COBLL1: variants seen among roughly 807,000 people sequenced by gnomAD.
COBLL1 encodes the protein cordon-bleu protein-like 1.
COBLL1 carries 50 observed loss-of-function variants against 94.8 expected under a neutral mutation model. The ratio of observed to expected loss-of-function variants is 0.53; its 90% confidence interval spans 0.42 to 0.67. The LOEUF is 0.67. COBLL1 is among the 30% of genes least tolerant of loss of function. The pLI, the probability that COBLL1 is intolerant of heterozygous loss-of-function variation, is 0.00. For missense variants in COBLL1, 1,362 were observed against 1,348.7 expected (o/e 1.01, Z -0.15); for synonymous variants, 448 against 473.8 (o/e 0.95, Z 0.71).
At chr2:164,700,288 T>G (rs1460902434) in intron 10 of COBLL1, among the ~76,000 whole-genome samples, 1 of 152,118 alleles carries the variant, frequency 6.6e-6, no homozygotes, top group Non-Finnish European at 1.5e-5. Context: ...ACAAACTATT[T>G]CTCATGGTTT....
chr2:164,658,718 G>C (rs1290111977), intron 2 of COBLL1, among the ~76,000 whole-genome samples: 1 of 152,148 alleles, frequency 6.6e-6, no homozygotes, highest in Admixed American at 6.6e-5. Flanking sequence ...ATTTCCATTG[G>C]TTAGCTGCAG....
intron 2 of COBLL1, among the ~76,000 whole-genome samples, chr2:164,838,268 A>T (rs1683416725): frequency 6.6e-6 from 1 of 152,206 alleles, no homozygotes; most frequent in Non-Finnish European, 1.5e-5. Flanking sequence ...GGCACCAAAC[A>T]AACTTCAAAC....
intron 2 of COBLL1, among the ~76,000 whole-genome samples, chr2:164,768,006 C>T (rs1688018167): frequency 6.6e-6 from 1 of 152,130 alleles, no homozygotes; most frequent in Admixed American, 6.6e-5. Flanking sequence ...GCATGTATTA[C>T]TGAGGGACTG....
At chr2:164,767,922 A>G (rs1323945066) in intron 2 of COBLL1, among the ~76,000 whole-genome samples, 2 of 152,228 alleles carry the variant, frequency 1.3e-5, no homozygotes, top group Non-Finnish European at 2.9e-5. Context: ...GAAGAAATAT[A>G]ACTGGCATGA....
At chr2:164,841,994 C>T, upstream of COBLL1, 1 of 1,540,144 alleles carries the variant, frequency 6.5e-7, no homozygotes, top group Middle Eastern at 1.7e-4. The surrounding 1 kb of genome is among the most constrained non-coding windows in gnomAD (Gnocchi z 5.5). Flanking sequence ...GGGAGCTCGC[C>T]GCCGCCTCTG....
At chr2:164,827,398 C>A (rs1048400223) in intron 2 of COBLL1, among the ~76,000 whole-genome samples, 2 of 152,068 alleles carry the variant, frequency 1.3e-5, no homozygotes, top group Non-Finnish European at 1.5e-5. Flanking sequence ...AGTTTTGTAA[C>A]CATTTTGAAG....
chr2:164,747,328 A>C (rs1047857289), intron 2 of COBLL1, among the ~76,000 whole-genome samples: 1 of 152,140 alleles, frequency 6.6e-6, no homozygotes, highest in Admixed American at 6.5e-5. Context: ...ACTGCAGTGA[A>C]CTCCTCTCAC....
intron 2 of COBLL1, among the ~76,000 whole-genome samples, chr2:164,829,664 A>T (rs2105378534): frequency 6.6e-6 from 1 of 152,318 alleles, no homozygotes; most frequent in Non-Finnish European, 1.5e-5. Context: ...AATATATTTA[A>T]ATACAAATGA....
chr2:164,720,082 TGTG>T (rs1685368593), intron 7 of COBLL1, among the ~76,000 whole-genome samples: 1 of 152,140 alleles, frequency 6.6e-6, no homozygotes, highest in African/African-American at 2.4e-5. Context: ...TGAATTTTTG[TGTG>T]CACTACAGCT....
intron 2 of COBLL1, among the ~76,000 whole-genome samples, chr2:164,815,703 C>T (rs1328061496): frequency 1.3e-5 from 2 of 152,022 alleles, no homozygotes; most frequent in Non-Finnish European, 2.9e-5. Flanking sequence ...AATTTTCAAA[C>T]AAAGTATTAC....
At chr2:164,828,722 G>C (rs1470244060) in intron 2 of COBLL1, among the ~76,000 whole-genome samples, 1 of 152,076 alleles carries the variant, frequency 6.6e-6, no homozygotes, top group Non-Finnish European at 1.5e-5. Flanking sequence ...CATTTTAACG[G>C]AATTAATTTA....
At chr2:164,782,778 G>A (rs1688777318) in intron 2 of COBLL1, among the ~76,000 whole-genome samples, 1 of 151,952 alleles carries the variant, frequency 6.6e-6, no homozygotes, top group African/African-American at 2.4e-5. Flanking sequence ...CTTCATAATA[G>A]CAACTGAAAT....
chr2:164,842,015 G>C, upstream of COBLL1: 1 of 1,539,498 alleles, frequency 6.5e-7, no homozygotes, highest in Non-Finnish European at 8.7e-7. Context: ...CAGCACGGCC[G>C]CACATAAGTG....
intron 9 of COBLL1, among the ~76,000 whole-genome samples, chr2:164,701,716 A>G (rs1179278386): frequency 1.3e-5 from 2 of 152,200 alleles, no homozygotes; most frequent in African/African-American, 4.8e-5. Flanking sequence ...CCAGCAGGGT[A>G]AAAGAGAAGG....
intron 2 of COBLL1, among the ~76,000 whole-genome samples, chr2:164,785,973 T>C (rs552938648): frequency 1.3e-5 from 2 of 152,070 alleles, no homozygotes; most frequent in East Asian, 3.9e-4. Flanking sequence ...GCTAATTTGA[T>C]TAAGGAATTG....
At chr2:164,701,285 A>G (rs1191425482) in intron 9 of COBLL1, among the ~76,000 whole-genome samples, 1 of 152,172 alleles carries the variant, frequency 6.6e-6, no homozygotes, top group African/African-American at 2.4e-5. Flanking sequence ...GAATCTCTGA[A>G]GGGTGGGGCA....
intron 2 of COBLL1, among the ~76,000 whole-genome samples, chr2:164,769,985 AC>A (rs1418685937): frequency 6.6e-6 from 1 of 152,196 alleles, no homozygotes; most frequent in Non-Finnish European, 1.5e-5. Context: ...CTTTTGAAGC[AC>A]CCATAAAAAC....
At chr2:164,720,922 G>T (rs950672951) in intron 7 of COBLL1, among the ~76,000 whole-genome samples, 1 of 152,192 alleles carries the variant, frequency 6.6e-6, no homozygotes, top group Non-Finnish European at 1.5e-5. Flanking sequence ...GAGATTGGAT[G>T]AGATTTTATA....
intron 2 of COBLL1, among the ~76,000 whole-genome samples, chr2:164,818,234 A>G (rs1161439964): frequency 1.3e-5 from 2 of 149,468 alleles, no homozygotes; most frequent in Admixed American, 6.7e-5. Context: ...ATACATATGC[A>G]TGTATGTATA....
Sources: allele counts gnomAD v4.1 joint callset (sites outside exome capture counted in the v4.1 genomes callset), GRCh38; gene constraint gnomAD v4.1.1; non-coding constraint Gnocchi (gnomAD v3.1); transcripts MANE v1.5; gene names NCBI Gene and HGNC (gene_info 2026-07-23, HGNC 2026-07-21).